The following SRFBP1 variants were observed in gnomAD, a reference collection of about 807,000 sequenced individuals.
SRFBP1 encodes the protein serum response factor binding protein 1.
Under a neutral mutation model 45.5 loss-of-function variants are expected in SRFBP1, and 47 were observed. That is an observed-to-expected ratio of 1.03 (90% CI 0.82 to 1.32). The LOEUF (loss-of-function observed/expected upper bound fraction) is 1.32, where lower values mean the gene tolerates loss of function less well. SRFBP1 is among the 40% of genes most tolerant of loss of function. The pLI, the probability that SRFBP1 is intolerant of heterozygous loss-of-function variation, is 0.00. For synonymous variants in SRFBP1, 203 were observed against 166.3 expected, an observed-to-expected ratio of 1.22 and a Z score of -1.70; for missense variants, 621 against 484.6, an observed-to-expected ratio of 1.28 and a Z score of -2.64.
intron 4 of SRFBP1, among the ~76,000 whole-genome samples, chr5:122,018,514 AT>A: frequency 6.6e-6 from 1 of 152,280 alleles, no homozygotes; most frequent in Non-Finnish European, 1.5e-5. Flanking sequence ...ATACAATAAG[AT>A]GGAAAAGCTA....
intron 1 of SRFBP1, among the ~76,000 whole-genome samples, chr5:121,967,040 G>C (rs1000894144): frequency 6.8e-6 from 1 of 147,928 alleles, no homozygotes; most frequent in Admixed American, 7.0e-5. Flanking sequence ...TGATCCGCCT[G>C]CCTCAGCCTC....
chr5:122,007,030 G>C (rs1302236043), intron 4 of SRFBP1, among the ~76,000 whole-genome samples: 2 of 152,044 alleles, frequency 1.3e-5, no homozygotes, highest in African/African-American at 4.8e-5. Context: ...ACTTATTCTA[G>C]TGTTTGCATA....
intron 4 of SRFBP1, among the ~76,000 whole-genome samples, chr5:122,002,353 T>C (rs192810757): frequency 3.3e-5 from 5 of 152,362 alleles, no homozygotes; most frequent in Non-Finnish European, 4.4e-5. Context: ...TCCTCATTAA[T>C]TATGACAAAT....
rs146560025 is a variant in SRFBP1, at chr5:121,993,530, A to G, written c.199-1069A>G. On this transcript the variant is annotated intron_variant, in intron 3 of 7. Coordinates refer to ENST00000339397, the MANE Select transcript of SRFBP1 (RefSeq NM_152546.3). Reference sequence around the variant, plus strand: ...AGAAAGATGATGATCTAATAAAGGTACTAGTTAAGGTCAGCCTTTCTACCA... The same window carrying G: ...AGAAAGATGATGATCTAATAAAGGTGCTAGTTAAGGTCAGCCTTTCTACCA... Among the ~76,000 whole-genome samples the G allele has an allele frequency of 1.6e-3, 238 of 152,282 alleles. 1 individual carries two copies. The highest frequency in any genetic ancestry group is 3.1e-3 in the Non-Finnish European group (211 of 67,968).
At chr5:122,029,704 T>G (rs1753560094), downstream of SRFBP1, among the ~76,000 whole-genome samples, 1 of 152,226 alleles carries the variant, frequency 6.6e-6, no homozygotes. Flanking sequence ...CAAACTCGTT[T>G]GTTTTTCTTC....
intron 3 of SRFBP1, among the ~76,000 whole-genome samples, chr5:121,978,219 C>G (rs1752343787): frequency 6.6e-6 from 1 of 152,082 alleles, no homozygotes; most frequent in South Asian, 2.1e-4. Flanking sequence ...TCATTTTTAT[C>G]CCTGTCTTAC....
intron 1 of SRFBP1, among the ~76,000 whole-genome samples, chr5:121,970,189 C>T (rs1257874690): frequency 6.6e-6 from 1 of 152,110 alleles, no homozygotes; most frequent in Non-Finnish European, 1.5e-5. Flanking sequence ...CTTGGGGAAA[C>T]CTAAGTCTTA....
chr5:121,987,836 A>G (rs563889798), intron 3 of SRFBP1, among the ~76,000 whole-genome samples: 1 of 152,122 alleles, frequency 6.6e-6, no homozygotes, highest in Non-Finnish European at 1.5e-5. Flanking sequence ...CTCCCTTCCC[A>G]CAGCACAATA....
chr5:122,041,707 T>C (rs977473670), intron 2 of SRFBP1, among the ~76,000 whole-genome samples: 3 of 152,182 alleles, frequency 2.0e-5, no homozygotes, highest in Non-Finnish European at 2.9e-5. Context: ...TAATAGTTTC[T>C]CTGTTGTTTC....
intron 2 of SRFBP1, among the ~76,000 whole-genome samples, chr5:122,052,497 A>G (rs961112269): frequency 1.3e-5 from 2 of 152,040 alleles, no homozygotes; most frequent in Admixed American, 6.5e-5. Context: ...TCAGAGTGCC[A>G]GTCTTCGAGT....
At chr5:122,031,664 A>T (rs1405328178), downstream of SRFBP1, among the ~76,000 whole-genome samples, 2 of 152,198 alleles carry the variant, frequency 1.3e-5, no homozygotes, top group African/African-American at 4.8e-5. Flanking sequence ...ATACATGCCC[A>T]AGAGAATTGA....
In SRFBP1 at chr5:122,022,363, C is replaced by G. The variant is rs79899122; in HGVS notation, c.1068-7C>G. The stretch of plus-strand genomic sequence containing the variant: ...AAAAAGTCATAATGGTGTTTTTCTT[C>G]TTTTAGAAATTTCAAAGAACAGGCT... On this transcript the variant is annotated splice_polypyrimidine_tract_variant and splice_region_variant and intron_variant, in intron 6 of 7. Transcript: ENST00000339397. 5.6e-6 allele frequency: 9 copies of G among 1,607,168 alleles called. No homozygotes were observed. In the Admixed American group the frequency reaches 1.2e-4, roughly 21 times the overall value.
chr5:122,054,429 G>T (rs1437497779), intron 2 of SRFBP1, among the ~76,000 whole-genome samples: 5 of 152,192 alleles, frequency 3.3e-5, no homozygotes, highest in African/African-American at 9.7e-5. Flanking sequence ...TGGGTCCCCA[G>T]TGTGGTTTCT....
chr5:122,015,658 C>T (rs1309068531), intron 4 of SRFBP1, among the ~76,000 whole-genome samples: 1 of 152,228 alleles, frequency 6.6e-6, no homozygotes. Context: ...CAGGCTGGAA[C>T]AGCCCCCATG....
In SRFBP1 at chr5:122,020,755, A is replaced by G. The variant is rs1753299179; in HGVS notation, c.1020A>G (p.Leu340=). The G allele has an allele frequency of 1.2e-6, 2 of 1,600,808 alleles. No homozygotes were observed. Among genetic ancestry groups the G allele is most frequent in the South Asian group, 1.1e-5 (1 of 87,822 alleles). ...AGCCAAGTACAGAAACCAGAAAGTT[A>G]GAATCAGTGTTTTTCCACTCTTTAT... ...KIKPSTETRK[L]ESVFFHSLSG... is the part of the protein sequence containing the mutation. Residue 340 remains leucine (L), a synonymous_variant, in exon 6 of 8, where the codon TTA becomes TTG. Transcript: ENST00000339397.
rs566161817 is a variant in SRFBP1 at position 122,017,048 on chromosome 5, G to A, written c.271-2212G>A. Among the ~76,000 whole-genome samples, 693 of 152,246 alleles carry A rather than the reference G, an allele frequency of 4.6e-3. 5 individuals are homozygous for A. The highest frequency in any genetic ancestry group is 0.016 in the African/African-American group (655 of 41,564). The stretch of plus-strand genomic sequence containing the variant: ...GTTCGACACCAGCCTGGCCAACGTG[G>A]TGAAACCCCATCTCTACTAAAAATA... On this transcript the variant is annotated intron_variant, in intron 4 of 7. Coordinates refer to ENST00000339397, the MANE Select transcript of SRFBP1 (RefSeq NM_152546.3).
At position 122,028,584 on chromosome 5, in the gene SRFBP1, G is replaced by A. The variant is rs1490908270; in HGVS notation, c.*1458G>A. Reference sequence around the variant, plus strand: ...ATTGCACCACTGCACTCCAGCCTGGGTGACAGAGTATGACTGTCTCAAAAA... The same window carrying A: ...ATTGCACCACTGCACTCCAGCCTGGATGACAGAGTATGACTGTCTCAAAAA... On this transcript the variant is annotated 3_prime_UTR_variant, in exon 8 of 8. Coordinates refer to ENST00000339397, the MANE Select transcript of SRFBP1 (RefSeq NM_152546.3). 6 of 151,306 alleles carry A rather than the reference G, an allele frequency of 4.0e-5. No individual in the cohort carries two copies. Among genetic ancestry groups the A allele is most frequent in the African/African-American group, 1.5e-4 (6 of 41,034 alleles). The allele number at this position is 151,306 out of a possible 1,614,324, so 9.4% of individuals were successfully genotyped here. A position where few individuals can be genotyped will look rare whatever the true frequency, so the allele number is the denominator to read the frequency against.
At chr5:122,040,587 G>A (rs1453040238) in intron 2 of SRFBP1, among the ~76,000 whole-genome samples, 2 of 152,074 alleles carry the variant, frequency 1.3e-5, no homozygotes, top group Admixed American at 1.3e-4. Flanking sequence ...TCTCTATCTG[G>A]ACAGAAGTTC....
chr5:121,963,698 A>G (rs1751999053), intron 1 of SRFBP1, among the ~76,000 whole-genome samples: 2 of 152,144 alleles, frequency 1.3e-5, no homozygotes, highest in African/African-American at 2.4e-5. Context: ...TTATGTGTCT[A>G]TCATGTGTAG....
Sources: gnomAD v4.1 joint callset for allele counts (sites outside exome capture counted in the v4.1 genomes callset) on GRCh38, gnomAD v4.1.1 for gene constraint, MANE v1.5 for transcripts, NCBI Gene and HGNC (gene_info 2026-07-23, HGNC 2026-07-21) for gene names.